Variants in IKBIP observed in about 807,000 individuals in gnomAD.
IKBIP encodes the protein IKBKB interacting protein.
IKBIP carries 28 observed loss-of-function variants against 31.0 expected under a neutral mutation model. The observed-to-expected ratio is 0.90, with a 90% CI of 0.67 to 1.24. The LOEUF (loss-of-function observed/expected upper bound fraction) is 1.24. Ranked by LOEUF, IKBIP falls within the 50% of genes most tolerant of loss-of-function variation. The pLI is 0.00. For missense variants in IKBIP, 453 were observed against 441.9 expected (o/e 1.03, Z -0.23); for synonymous variants, 164 against 160.3 (o/e 1.02, Z -0.17).
At chr12:98,643,319 TG>T (rs1269303662) in intron 1 of IKBIP, among the ~76,000 whole-genome samples, 2 of 152,204 alleles carry the variant, frequency 1.3e-5, no homozygotes, top group Non-Finnish European at 2.9e-5. Context: ...TAATTCCATA[TG>T]TAGTAGCATA....
chr12:98,641,713 T>C (rs973603772), intron 1 of IKBIP, among the ~76,000 whole-genome samples: 1 of 152,138 alleles, frequency 6.6e-6, no homozygotes, highest in Non-Finnish European at 1.5e-5. Flanking sequence ...TGGAGCACAG[T>C]GGTATAATCA....
intron 2 of IKBIP, among the ~76,000 whole-genome samples, chr12:98,617,962 A>G (rs1022013976): frequency 2.0e-5 from 3 of 152,230 alleles, no homozygotes; most frequent in African/African-American, 7.2e-5. Flanking sequence ...CATATACTGT[A>G]CTACAGTATG....
At position 98,625,841 on chromosome 12, in the gene IKBIP, T is replaced by A. The variant is rs995349416; in HGVS notation, c.*89A>T. The A allele has an allele frequency of 6.4e-6, 7 of 1,085,726 alleles. No homozygotes were observed. Among genetic ancestry groups the A allele is most frequent in the Non-Finnish European group, 7.4e-6 (6 of 815,578 alleles). 67.3% of individuals were successfully genotyped at this position (1,085,726 alleles called of 1,614,324 possible). On this transcript the variant is annotated 3_prime_UTR_variant, in exon 3 of 3. Transcript: ENST00000299157. ...TCATTTATTTTCCAATAATGTAGGA[T>A]AAGATGAGGCGTATCAAAGTAACTC... is the stretch of plus-strand genomic sequence containing the variant.
intron 1 of IKBIP, 91 bp from the exon 2 acceptor site, chr12:98,634,504 C>A: frequency 8.4e-5 from 47 of 557,194 alleles, no homozygotes; most frequent in Middle Eastern, 1.1e-3. Context: ...CTGTTAAGAA[C>A]AACATAAATT....
chr12:98,635,080 A>G (rs2097624627), intron 1 of IKBIP, among the ~76,000 whole-genome samples: 2 of 147,934 alleles, frequency 1.4e-5, no homozygotes, highest in Admixed American at 6.8e-5. Context: ...ATCTCGGTTC[A>G]CTGCAACCTT....
intron 2 of IKBIP, among the ~76,000 whole-genome samples, chr12:98,631,878 T>G (rs2097620434): frequency 6.6e-6 from 1 of 151,632 alleles, no homozygotes; most frequent in Non-Finnish European, 1.5e-5. Context: ...TTTATTGAGA[T>G]GGAGTCTCAC....
chr12:98,621,416 G>A (rs930444953), downstream of IKBIP, among the ~76,000 whole-genome samples: 1 of 152,178 alleles, frequency 6.6e-6, no homozygotes, highest in African/African-American at 2.4e-5. Context: ...TCATGCTCAA[G>A]GGCCAAACAA....
chr12:98,633,073 A>C (rs956843274), intron 2 of IKBIP, among the ~76,000 whole-genome samples: 1 of 152,142 alleles, frequency 6.6e-6, no homozygotes, highest in Non-Finnish European at 1.5e-5. Flanking sequence ...CTGGAGGATT[A>C]TATGCTCATC....
At chr12:98,640,396 C>T (rs1272095514) in intron 1 of IKBIP, among the ~76,000 whole-genome samples, 3 of 151,964 alleles carry the variant, frequency 2.0e-5, no homozygotes, top group African/African-American at 4.8e-5. Context: ...GCTGAGATTG[C>T]GCCACTGCAC....
chr12:98,618,544 T>G (rs915029483), intron 2 of IKBIP, among the ~76,000 whole-genome samples: 6 of 150,888 alleles, frequency 4.0e-5, no homozygotes, highest in African/African-American at 1.5e-4. Flanking sequence ...GAGAATGGCG[T>G]GAACCCGGGA....
In IKBIP at chr12:98,625,963, A is replaced by G. The variant is rs1386118045; in HGVS notation, c.1101T>C (p.Asn367=). The change falls in exon 3 of 3, where the codon AAT becomes AAC. Residue 367 remains asparagine, a synonymous_variant. Transcript: ENST00000299157. ...TGEKGTLKEY[N]IENKGIGGDF is the part of the protein sequence containing the mutation. ...CACCACCAATTCCTTTATTTTCTAT[A>G]TTATATTCTTTTAAAGTTCCCTTTT... The G allele has an allele frequency of 7.0e-7, 1 of 1,426,702 alleles. No homozygotes were observed. Among genetic ancestry groups the G allele is most frequent in the Non-Finnish European group, 9.4e-7 (1 of 1,067,246 alleles). 88.4% of individuals were successfully genotyped at this position (1,426,702 alleles called of 1,614,324 possible).
chr12:98,628,934 AGGG>A (rs1250002922), intron 2 of IKBIP, among the ~76,000 whole-genome samples: 1 of 152,200 alleles, frequency 6.6e-6, no homozygotes, highest in African/African-American at 2.4e-5. Context: ...GAATTAGCAC[AGGG>A]GGCAATGGAT....
intron 2 of IKBIP, among the ~76,000 whole-genome samples, chr12:98,615,099 T>G (rs2097605538): frequency 6.6e-6 from 1 of 152,240 alleles, no homozygotes; most frequent in South Asian, 2.1e-4. Flanking sequence ...ATATTTATTG[T>G]GTACAATGTA....
In IKBIP at chr12:98,614,028, CTATTT is replaced by C. The variant is rs1281334317; in HGVS notation, c.605_609del (p.Lys202ArgfsTer13). On this transcript the variant is annotated frameshift_variant, in exon 3 of 3. Transcript: ENST00000342502. LOFTEE classifies it high-confidence loss of function. ...TTTACTGTATTTTTTTCTACTTTCT[CTATTT>C]TATTTTCTAGTTCTTGCACAGAATC... 4 of 1,609,574 alleles carry C rather than the reference CTATTT, an allele frequency of 2.5e-6. No homozygotes were observed. Among genetic ancestry groups the C allele is most frequent in the African/African-American group, 1.3e-5 (1 of 74,602 alleles).
chr12:98,618,992 C>T (rs909815260), intron 2 of IKBIP, among the ~76,000 whole-genome samples: 1 of 152,176 alleles, frequency 6.6e-6, no homozygotes, highest in South Asian at 2.1e-4. Context: ...TTCGCCCCAT[C>T]ATAAATGTTT....
chr12:98,620,995 C>A (rs367679444), downstream of IKBIP, among the ~76,000 whole-genome samples: 16 of 152,288 alleles, frequency 1.1e-4, 3 homozygotes, highest in East Asian at 3.9e-4. Flanking sequence ...CACCTGTAAT[C>A]CCAGCACTTT....
intron 1 of IKBIP, among the ~76,000 whole-genome samples, chr12:98,638,959 A>G (rs1383463523): frequency 2.6e-5 from 4 of 152,166 alleles, no homozygotes; most frequent in African/African-American, 9.7e-5. Context: ...GTTATTGTAG[A>G]CATTAGTTAT....
intron 2 of IKBIP, among the ~76,000 whole-genome samples, chr12:98,627,439 C>CT (rs11314734): frequency 3.0e-4 from 36 of 119,600 alleles, no homozygotes; most frequent in East Asian, 1.7e-3. Flanking sequence ...TTTTCTTTTT[C>CT]TTTTTTTTTT....
chr12:98,642,135 G>T (rs7965771), intron 1 of IKBIP, among the ~76,000 whole-genome samples: 1 of 151,956 alleles, frequency 6.6e-6, no homozygotes, highest in Non-Finnish European at 1.5e-5. Flanking sequence ...GCTTATCCCA[G>T]GATAGTAACT....
Sources: allele counts gnomAD v4.1 joint callset (sites outside exome capture counted in the v4.1 genomes callset), GRCh38; gene constraint gnomAD v4.1.1; transcripts MANE v1.5; gene names NCBI Gene and HGNC (gene_info 2026-07-23, HGNC 2026-07-21).